DHDDS: variants seen among roughly 807,000 people sequenced by gnomAD.
DHDDS encodes dehydrodolichyl diphosphate synthase complex subunit DHDDS.
A neutral mutation model predicts 46.2 loss-of-function variants in DHDDS; 16 were observed. The ratio of observed to expected loss-of-function variants is 0.35; its 90% CI spans 0.23 to 0.53. The LOEUF is 0.53. Ranked by LOEUF, DHDDS falls within the 20% of genes least tolerant of loss-of-function variation. DHDDS has a pLI of 0.94. For synonymous variants in DHDDS, 151 were observed against 163.1 expected, an observed-to-expected ratio of 0.93 and a Z score of 0.56; for missense variants, 340 against 423.7, an observed-to-expected ratio of 0.80 and a Z score of 1.73.
intron 8 of DHDDS, among the ~76,000 whole-genome samples, chr1:26,468,678 A>T (rs1288879288): frequency 6.6e-6 from 1 of 152,136 alleles, no homozygotes; most frequent in Non-Finnish European, 1.5e-5. Flanking sequence ...CACACAAAAC[A>T]AACCAAGATG....
intron 6 of DHDDS, among the ~76,000 whole-genome samples, chr1:26,451,657 C>T (rs1203766200): frequency 2.1e-5 from 3 of 143,644 alleles, no homozygotes; most frequent in African/African-American, 7.8e-5. Flanking sequence ...GAGACAGAGT[C>T]TCGCTCTGTC....
intron 7 of DHDDS, among the ~76,000 whole-genome samples, 189 bp from the exon 8 acceptor site, chr1:26,459,848 G>A: frequency 6.6e-6 from 1 of 152,180 alleles, no homozygotes; most frequent in East Asian, 1.9e-4. Context: ...GCTGCCTCAA[G>A]TGACGCCTCC....
chr1:26,448,865 G>C (rs982139833), intron 6 of DHDDS, among the ~76,000 whole-genome samples: 4 of 152,086 alleles, frequency 2.6e-5, no homozygotes, highest in African/African-American at 9.7e-5. Context: ...TATTATGTGG[G>C]ATCTTGGGAA....
Position 26,442,751 on chromosome 1 carries a change from C to T in DHDDS, c.201C>T (p.Asn67=). The change falls in exon 4 of 9, where the codon AAC becomes AAT. Residue 67 remains asparagine (N), a synonymous_variant. Transcript: ENST00000236342. ...KLAETLRWCL[N]LGILEVTVYA... is the part of the protein sequence containing the mutation. ...CTCAGACTCTGCGGTGGTGTTTGAA[C>T]CTGGGCATCCTAGAGGTGACAGTCT... The T allele has an allele frequency of 6.2e-7, 1 of 1,614,120 alleles. No homozygotes were observed.
intron 8 of DHDDS, among the ~76,000 whole-genome samples, chr1:26,463,884 G>A (rs111358913): frequency 6.6e-6 from 1 of 152,070 alleles, no homozygotes; most frequent in African/African-American, 2.4e-5. Context: ...CTTAGGTTGT[G>A]GCCATAGCAA....
At chr1:26,437,802 A>T (rs559398656) in intron 2 of DHDDS, among the ~76,000 whole-genome samples, 46 of 151,768 alleles carry the variant, frequency 3.0e-4, no homozygotes, top group Non-Finnish European at 5.9e-4. Flanking sequence ...AAAAGAAAAA[A>T]AAAAAAAGAA....
intron 8 of DHDDS, among the ~76,000 whole-genome samples, chr1:26,468,676 A>C (rs2075517884): frequency 6.6e-6 from 1 of 152,136 alleles, no homozygotes; most frequent in Non-Finnish European, 1.5e-5. Context: ...TCCACACAAA[A>C]CAAACCAAGA....
At chr1:26,464,889 A>G (rs926352829) in intron 8 of DHDDS, among the ~76,000 whole-genome samples, 1 of 152,192 alleles carries the variant, frequency 6.6e-6, no homozygotes, top group Non-Finnish European at 1.5e-5. Context: ...ACTGAGAGGA[A>G]GGCAGCGGGT....
rs1293179879 is a variant in DHDDS at position 26,447,743 on chromosome 1, C to A, written c.542+83C>A. ...GCAGCTCACGCCTGTAATCCTAGCA[C>A]ATTAGGAGGCCGAGGTGGGCAGTCC... On this transcript the variant is annotated intron_variant, in intron 6 of 8. Coordinates refer to ENST00000236342, the MANE Select transcript of DHDDS (RefSeq NM_205861.3). 3 of 1,273,920 alleles carry A rather than the reference C, an allele frequency of 2.4e-6. No homozygotes were observed. The South Asian group carries it at 3.7e-5, about 16-fold the overall frequency. 78.9% of individuals were successfully genotyped at this position (1,273,920 alleles called of 1,614,324 possible). A position where few individuals can be genotyped will look rare whatever the true frequency, so the allele number is the denominator to read the frequency against.
rs1196016878 is a variant in DHDDS at position 26,469,935 on chromosome 1, C to T, written c.*804C>T. On this transcript the variant is annotated 3_prime_UTR_variant, in exon 9 of 9. Coordinates refer to ENST00000236342, the MANE Select transcript of DHDDS (RefSeq NM_205861.3). ...GTGAACTGAATCCAGCACAGGCCTC[C>T]CCTGTAACACAACAGGACTGAGCAG... 3 of 153,520 alleles carry T rather than the reference C, an allele frequency of 2.0e-5. No homozygotes were observed. Among genetic ancestry groups the T allele is most frequent in the African/African-American group, 7.2e-5 (3 of 41,428 alleles). The allele number at this position is 153,520 out of a possible 1,614,324, so 9.5% of individuals were successfully genotyped here. A position where few individuals can be genotyped will look rare whatever the true frequency, so the allele number is the denominator to read the frequency against.
At chr1:26,454,608 TAATTACATTTA>T in intron 6 of DHDDS, 1 of 993,004 alleles carries the variant, frequency 1.0e-6, no homozygotes, top group Non-Finnish European at 1.5e-6. Context: ...TTTTCCCTTT[TAATTACATTTA>T]TTTTAATGCT....
chr1:26,471,019 CAG>C lies in DHDDS; in HGVS notation c.*1889_*1890del, dbSNP rs2075551756. ...GGTTCTGTATTCTGGGAAAGGTACA[CAG>C]GGTGGAGTAGGGAGAAGCTGCCCCA... On this transcript the variant is annotated 3_prime_UTR_variant, in exon 9 of 9. Transcript: ENST00000236342. The C allele has an allele frequency of 6.6e-6, 1 of 152,210 alleles. No individual in the cohort carries two copies. The highest frequency in any genetic ancestry group is 6.5e-5 in the Admixed American group (1 of 15,276). The allele number at this position is 152,210 out of a possible 1,614,324, so 9.4% of individuals were successfully genotyped here. A position where few individuals can be genotyped will look rare whatever the true frequency, so the allele number is the denominator to read the frequency against.
intron 3 of DHDDS, 121 bp from the exon 4 acceptor site, chr1:26,442,609 AG>A (rs761670999): frequency 2.6e-5 from 30 of 1,176,466 alleles, no homozygotes; most frequent in Non-Finnish European, 3.6e-5. Context: ...AGCTTCACCC[AG>A]CTTTGGGGAG....
chr1:26,471,022 G>C lies in DHDDS; in HGVS notation c.*1891G>C, dbSNP rs867099459. On this transcript the variant is annotated 3_prime_UTR_variant, in exon 9 of 9. Coordinates refer to ENST00000236342, the MANE Select transcript of DHDDS (RefSeq NM_205861.3). ...TCTGTATTCTGGGAAAGGTACACAG[G>C]GTGGAGTAGGGAGAAGCTGCCCCAG... The C allele has an allele frequency of 6.6e-6, 1 of 152,294 alleles. No individual in the cohort carries two copies. The highest frequency in any genetic ancestry group is 2.4e-5 in the African/African-American group (1 of 41,422). The allele number at this position is 152,294 out of a possible 1,614,324, so 9.4% of individuals were successfully genotyped here.
chr1:26,434,636 C>T (rs2075135050), intron 2 of DHDDS, among the ~76,000 whole-genome samples: 1 of 152,008 alleles, frequency 6.6e-6, no homozygotes, highest in African/African-American at 2.4e-5. Flanking sequence ...TGCTCCAAGC[C>T]AAATAAGGGT....
intron 8 of DHDDS, chr1:26,462,805 A>G (rs761812744): frequency 4.6e-5 from 7 of 152,236 alleles, no homozygotes; most frequent in Admixed American, 2.0e-4. Context: ...CAGGCACTGT[A>G]TTAGGCACAG....
chr1:26,434,994 T>G (rs998483233), intron 2 of DHDDS, among the ~76,000 whole-genome samples: 1 of 150,824 alleles, frequency 6.6e-6, no homozygotes, highest in South Asian at 2.1e-4. Context: ...AAAAAAGTCT[T>G]TTTTGTTTGC....
intron 6 of DHDDS, chr1:26,454,815 T>TGGTCAGGAAAGCAGAAAGATCTGGG: frequency 6.3e-7 from 1 of 1,580,560 alleles, no homozygotes; most frequent in Non-Finnish European, 8.6e-7. Context: ...CAGCGGCACA[T>TGGTCAGGAAAGCAGAAAGATCTGGG]CTTAGGTGCT....
At chr1:26,453,763 C>CA (rs1404148352) in intron 6 of DHDDS, among the ~76,000 whole-genome samples, 1 of 151,922 alleles carries the variant, frequency 6.6e-6, no homozygotes, top group South Asian at 2.1e-4. Context: ...AAAAATAAAA[C>CA]AAAAAAATAA....
Sources: allele counts gnomAD v4.1 joint callset (sites outside exome capture counted in the v4.1 genomes callset), GRCh38; gene constraint gnomAD v4.1.1; transcripts MANE v1.5; gene names NCBI Gene and HGNC (gene_info 2026-07-23, HGNC 2026-07-21).